The following KLRG1 variants were observed in gnomAD, a reference collection of about 807,000 sequenced individuals.
KLRG1 encodes killer cell lectin like receptor G1.
Under a neutral mutation model 21.8 loss-of-function variants are expected in KLRG1, and 16 were observed. The observed-to-expected ratio is 0.73, with a 90% CI of 0.50 to 1.11. The LOEUF is 1.11. Among genes scored for constraint, KLRG1 ranks in the 50% most tolerant of loss-of-function variants. KLRG1 has a pLI of 0.00. For missense variants in KLRG1, 173 were observed against 218.3 expected (o/e 0.79, Z 1.31); for synonymous variants, 69 against 75.9 (o/e 0.91, Z 0.47).
the KLRG1 span, among the ~76,000 whole-genome samples, chr12:9,190,081 T>C: frequency 3.3e-5 from 5 of 152,166 alleles, no homozygotes; most frequent in Non-Finnish European, 5.9e-5. Context: ...GAAAGCAGTG[T>C]GGCGATTCCT....
At chr12:9,088,283 T>G in the KLRG1 span, among the ~76,000 whole-genome samples, 2 of 152,022 alleles carry the variant, frequency 1.3e-5, no homozygotes, top group Non-Finnish European at 1.5e-5. Flanking sequence ...GAATATATTT[T>G]TGTAAAATTA....
chr12:9,062,770 A>G, the KLRG1 span, among the ~76,000 whole-genome samples: 1 of 148,264 alleles, frequency 6.7e-6, no homozygotes, highest in Admixed American at 6.8e-5. Context: ...ATGTTATATG[A>G]TATATATTTA....
chr12:9,065,731 G>A, the KLRG1 span: 1 of 152,312 alleles, frequency 6.6e-6, no homozygotes, highest in Non-Finnish European at 1.5e-5. Flanking sequence ...AGACCAGAGA[G>A]GTAACTTGTG....
At chr12:9,052,801 T>C in the KLRG1 span, 1 of 446,686 alleles carries the variant, frequency 2.2e-6, no homozygotes, top group Non-Finnish European at 4.5e-6. Flanking sequence ...TTAATAATAG[T>C]ATCTACATCA....
the KLRG1 span, among the ~76,000 whole-genome samples, chr12:9,130,116 A>G: frequency 6.6e-6 from 1 of 152,286 alleles, no homozygotes; most frequent in South Asian, 2.1e-4. Context: ...AATTTCTTCA[A>G]AGTTCATCCA....
At chr12:9,182,006 T>C in the KLRG1 span, 1 of 1,613,902 alleles carries the variant, frequency 6.2e-7, no homozygotes, top group Non-Finnish European at 8.5e-7. Flanking sequence ...AATCTCAAAT[T>C]TTTCAGAGTC....
At chr12:9,125,445 T>C in the KLRG1 span, among the ~76,000 whole-genome samples, 1 of 152,184 alleles carries the variant, frequency 6.6e-6, no homozygotes, top group African/African-American at 2.4e-5. Flanking sequence ...AGGTAATACC[T>C]TGAGTTTAAG....
At chr12:9,213,625 A>G in the KLRG1 span, among the ~76,000 whole-genome samples, 1 of 152,090 alleles carries the variant, frequency 6.6e-6, no homozygotes, top group Admixed American at 6.5e-5. Context: ...CCATTTATGT[A>G]TCATCTTTAG....
intron 1 of KLRG1, among the ~76,000 whole-genome samples, chr12:8,962,622 G>A (rs925147085): frequency 6.6e-6 from 1 of 151,612 alleles, no homozygotes; most frequent in Admixed American, 6.6e-5. Flanking sequence ...GTGCTGAGGT[G>A]GGAGGATAGC....
At chr12:9,179,040 T>C in the KLRG1 span, among the ~76,000 whole-genome samples, 1 of 152,232 alleles carries the variant, frequency 6.6e-6, no homozygotes, top group Admixed American at 6.5e-5. Flanking sequence ...CCCTTTTAAA[T>C]GGTGATTCAT....
At chr12:9,195,837 G>T in the KLRG1 span, among the ~76,000 whole-genome samples, 1 of 149,638 alleles carries the variant, frequency 6.7e-6, no homozygotes, top group Non-Finnish European at 1.5e-5. Context: ...CTTTATTATT[G>T]TTAAAATATA....
chr12:9,157,102 C>G, the KLRG1 span: 1 of 1,439,794 alleles, frequency 6.9e-7, no homozygotes, highest in Non-Finnish European at 9.5e-7. Flanking sequence ...CCAGACAGGC[C>G]CCAATGTGTG....
At chr12:9,069,772 G>A in the KLRG1 span, 2 of 1,612,942 alleles carry the variant, frequency 1.2e-6, no homozygotes, top group Non-Finnish European at 1.7e-6. Flanking sequence ...AGACATGGTT[G>A]CTGCTGACTT....
At chr12:8,983,700 C>T (rs906955153) in intron 1 of KLRG1, among the ~76,000 whole-genome samples, 1 of 152,000 alleles carries the variant, frequency 6.6e-6, no homozygotes, top group African/African-American at 2.4e-5. Context: ...CGTGCCTGGC[C>T]CATTTTACCA....
chr12:9,211,189 T>A, the KLRG1 span, among the ~76,000 whole-genome samples: 3 of 152,186 alleles, frequency 2.0e-5, no homozygotes, highest in Non-Finnish European at 4.4e-5. Context: ...TTAAATAAGC[T>A]TTCTGCTCAT....
At chr12:9,198,043 AAC>A in the KLRG1 span, among the ~76,000 whole-genome samples, 1 of 91,626 alleles carries the variant, frequency 1.1e-5, no homozygotes, top group Non-Finnish European at 2.2e-5. Flanking sequence ...TATATATGCA[AAC>A]ATATATATAT....
the KLRG1 span, among the ~76,000 whole-genome samples, chr12:9,199,414 A>G: frequency 2.1e-3 from 318 of 152,274 alleles, 1 homozygote; most frequent in African/African-American, 7.3e-3. Context: ...TGGAGTGGAA[A>G]TTTCTGGGGG....
the KLRG1 span, among the ~76,000 whole-genome samples, chr12:9,212,696 G>T: frequency 2.6e-5 from 4 of 151,674 alleles, no homozygotes; most frequent in Non-Finnish European, 5.9e-5. Context: ...AATAAAGTTT[G>T]CAGGAAAGGA....
At chr12:9,209,725 T>C in the KLRG1 span, among the ~76,000 whole-genome samples, 2 of 152,142 alleles carry the variant, frequency 1.3e-5, no homozygotes, top group Non-Finnish European at 2.9e-5. Context: ...AGGAAGTTGA[T>C]ATGTATTCTT....
Sources: allele counts gnomAD v4.1 joint callset (sites outside exome capture counted in the v4.1 genomes callset), GRCh38; gene constraint gnomAD v4.1.1; transcripts MANE v1.5; gene names NCBI Gene and HGNC (gene_info 2026-07-23, HGNC 2026-07-21).